NR3C2: variants seen among roughly 807,000 people sequenced by gnomAD.
NR3C2 encodes the protein mineralocorticoid receptor.
NR3C2 carries 15 observed loss-of-function variants against 86.4 expected under a neutral mutation model. The observed-to-expected ratio is 0.17, with a 90% CI of 0.12 to 0.27. The LOEUF (loss-of-function observed/expected upper bound fraction) is 0.27. Among genes scored for constraint, NR3C2 ranks in the 10% least tolerant of loss-of-function variants. NR3C2 has a pLI of 1.00. For synonymous variants in NR3C2, 458 were observed against 450.5 expected, an observed-to-expected ratio of 1.02 and a Z score of -0.21; for missense variants, 960 against 1,195.6, an observed-to-expected ratio of 0.80 and a Z score of 2.91.
intron 2 of NR3C2, among the ~76,000 whole-genome samples, chr4:148,396,674 G>C (rs1261166480): frequency 6.6e-6 from 1 of 152,114 alleles, no homozygotes; most frequent in East Asian, 1.9e-4. Context: ...CTGAAAACAG[G>C]TTCCTATAAA....
At chr4:148,327,864 A>G (rs879748683) in intron 2 of NR3C2, among the ~76,000 whole-genome samples, 1 of 152,200 alleles carries the variant, frequency 6.6e-6, no homozygotes, top group Non-Finnish European at 1.5e-5. Flanking sequence ...ACCTACATGC[A>G]GGGCTATACA....
chr4:148,428,299 T>C (rs1416174740), intron 2 of NR3C2, among the ~76,000 whole-genome samples: 1 of 152,166 alleles, frequency 6.6e-6, no homozygotes, highest in Non-Finnish European at 1.5e-5. Context: ...CAAAGGTACA[T>C]CTGTTGAATC....
chr4:148,141,022 C>T (rs1733577397), intron 6 of NR3C2, among the ~76,000 whole-genome samples: 1 of 152,162 alleles, frequency 6.6e-6, no homozygotes, highest in African/African-American at 2.4e-5. Flanking sequence ...ATTAAGCTTA[C>T]ATGTTAAGTC....
At chr4:148,229,254 A>G (rs1434281088) in intron 3 of NR3C2, among the ~76,000 whole-genome samples, 1 of 152,174 alleles carries the variant, frequency 6.6e-6, no homozygotes, top group African/African-American at 2.4e-5. Context: ...CACTGGGAGA[A>G]GCCTGGCCTC....
intron 2 of NR3C2, among the ~76,000 whole-genome samples, chr4:148,280,842 A>G (rs1741197896): frequency 6.6e-6 from 1 of 152,134 alleles, no homozygotes; most frequent in African/African-American, 2.4e-5. Context: ...CCTGTGCATG[A>G]GCTGTTTCCT....
intron 3 of NR3C2, among the ~76,000 whole-genome samples, chr4:148,233,195 T>C (rs1738553789): frequency 6.6e-6 from 1 of 152,206 alleles, no homozygotes; most frequent in South Asian, 2.1e-4. Flanking sequence ...CCTTCTCATG[T>C]ACAACTTGGC....
intron 6 of NR3C2, among the ~76,000 whole-genome samples, chr4:148,138,683 C>T (rs1454694493): frequency 6.6e-6 from 1 of 152,212 alleles, no homozygotes; most frequent in Non-Finnish European, 1.5e-5. Flanking sequence ...GATGCCCAGC[C>T]ATCTCACTTA....
intron 4 of NR3C2, among the ~76,000 whole-genome samples, chr4:148,184,529 G>A (rs978760078): frequency 3.3e-5 from 5 of 151,626 alleles, no homozygotes; most frequent in African/African-American, 7.3e-5. Flanking sequence ...ATATTACAGC[G>A]TGAATAAGAC....
At chr4:148,134,780 C>T (rs1462599046) in intron 6 of NR3C2, among the ~76,000 whole-genome samples, 1 of 150,866 alleles carries the variant, frequency 6.6e-6, no homozygotes, top group Non-Finnish European at 1.5e-5. Flanking sequence ...TTCTAAGTAG[C>T]TGGGATTACA....
intron 3 of NR3C2, among the ~76,000 whole-genome samples, chr4:148,228,922 A>T (rs962143277): frequency 6.6e-6 from 1 of 152,202 alleles, no homozygotes; most frequent in African/African-American, 2.4e-5. Flanking sequence ...CAGGAAAGAA[A>T]GGCAAACTCC....
intron 3 of NR3C2, among the ~76,000 whole-genome samples, chr4:148,238,272 T>C (rs556413660): frequency 1.3e-5 from 2 of 152,262 alleles, no homozygotes; most frequent in Admixed American, 1.3e-4. Flanking sequence ...TCACCATTGG[T>C]TTGATCCTGT....
intron 3 of NR3C2, among the ~76,000 whole-genome samples, chr4:148,204,720 A>G (rs1034491048): frequency 6.6e-6 from 1 of 152,242 alleles, no homozygotes; most frequent in Non-Finnish European, 1.5e-5. Flanking sequence ...CCACCTTAAA[A>G]AGGATAATTC....
At chr4:148,280,623 C>T (rs747326558) in intron 2 of NR3C2, among the ~76,000 whole-genome samples, 2 of 152,122 alleles carry the variant, frequency 1.3e-5, no homozygotes, top group Non-Finnish European at 2.9e-5. Context: ...CTCAGCCTCC[C>T]AAGTAGCTGG....
intron 5 of NR3C2, 141 bp downstream of exon 5, chr4:148,154,410 T>C: frequency 1.2e-6 from 1 of 815,006 alleles, no homozygotes; most frequent in African/African-American, 1.7e-5. Flanking sequence ...ATACACTTGA[T>C]CAATTTGTTA....
intron 2 of NR3C2, among the ~76,000 whole-genome samples, chr4:148,379,027 A>G (rs1344028350): frequency 6.6e-6 from 1 of 152,222 alleles, no homozygotes; most frequent in African/African-American, 2.4e-5. Context: ...AAGAGCAAAC[A>G]AAGCAAGTTA....
chr4:148,283,246 G>C lies in NR3C2; in HGVS notation c.1758-23129C>G, dbSNP rs116275442. Among the ~76,000 whole-genome samples, 1,298 of 152,274 alleles carry C rather than the reference G, an allele frequency of 8.5e-3. 16 individuals carry two copies. Among genetic ancestry groups the C allele is most frequent in the African/African-American group, 0.029 (1,213 of 41,554 alleles). ...AGGTAAGCCAATTTTAGCCATTACA[G>C]AGAACTGAATGGATCAGGAAAAACA... On this transcript the variant is annotated intron_variant, in intron 2 of 8. Transcript: ENST00000358102.
chr4:148,445,191 G>A (rs1750520052), upstream of NR3C2, among the ~76,000 whole-genome samples: 1 of 152,020 alleles, frequency 6.6e-6, no homozygotes, highest in Non-Finnish European at 1.5e-5. Context: ...TCCAAAGTCC[G>A]GCCCTGACCT....
chr4:148,104,769 T>A (rs549664260), intron 8 of NR3C2, among the ~76,000 whole-genome samples: 1 of 152,168 alleles, frequency 6.6e-6, no homozygotes, highest in Non-Finnish European at 1.5e-5. Flanking sequence ...ACAAGATGGG[T>A]ATTATTACTG....
chr4:148,305,428 C>T (rs1742565430), intron 2 of NR3C2, among the ~76,000 whole-genome samples: 1 of 151,850 alleles, frequency 6.6e-6, no homozygotes, highest in East Asian at 1.9e-4. Context: ...TGGGTCTCAT[C>T]TGCTGTGATC....
Sources: gnomAD v4.1 joint callset for allele counts (sites outside exome capture counted in the v4.1 genomes callset) on GRCh38, gnomAD v4.1.1 for gene constraint, MANE v1.5 for transcripts, NCBI Gene and HGNC (gene_info 2026-07-23, HGNC 2026-07-21) for gene names.